Variants in CFAP210 observed in about 807,000 individuals in gnomAD.
CFAP210 encodes the protein cilia- and flagella- associated protein 210.
chr2:169,646,461 C>CT, the CFAP210 span, among the ~76,000 whole-genome samples: 32 of 152,238 alleles, frequency 2.1e-4, no homozygotes, highest in East Asian at 6.2e-3. Context: ...ACTCAGGTAA[C>CT]TGAGTTTAGA....
At chr2:169,656,132 C>G in the CFAP210 span, among the ~76,000 whole-genome samples, 1 of 152,064 alleles carries the variant, frequency 6.6e-6, no homozygotes, top group Admixed American at 6.6e-5. Flanking sequence ...ACAAAAAAGA[C>G]CACAAAAATT....
At chr2:169,662,439 A>G in the CFAP210 span, 11 of 1,570,806 alleles carry the variant, frequency 7.0e-6, no homozygotes, top group Non-Finnish European at 9.4e-6. Context: ...CCTTTATTCT[A>G]AAGCAAAAAC....
chr2:169,675,049 A>C, the CFAP210 span: 1 of 1,460,128 alleles, frequency 6.8e-7, no homozygotes, highest in Non-Finnish European at 9.0e-7. Context: ...CCCTGTAAAA[A>C]GACAAACACA....
At chr2:169,667,379 TC>T in the CFAP210 span, among the ~76,000 whole-genome samples, 1 of 152,086 alleles carries the variant, frequency 6.6e-6, no homozygotes, top group Non-Finnish European at 1.5e-5. Context: ...CCTCAGGTGA[TC>T]CAACCACCTC....
the CFAP210 span, among the ~76,000 whole-genome samples, chr2:169,673,456 C>A: frequency 1.3e-5 from 2 of 152,198 alleles, no homozygotes; most frequent in African/African-American, 4.8e-5. Context: ...CAAAGAAAAA[C>A]ATTACAATAA....
chr2:169,659,236 C>G, the CFAP210 span: 2 of 152,214 alleles, frequency 1.3e-5, no homozygotes, highest in East Asian at 1.9e-4. Context: ...TTGGCAAATG[C>G]TCCCACTGAA....
At chr2:169,674,558 T>C in the CFAP210 span, 2 of 1,533,698 alleles carry the variant, frequency 1.3e-6, no homozygotes, top group Non-Finnish European at 1.7e-6. Context: ...TACAAAAAGG[T>C]ATTTTATGTA....
At chr2:169,658,537 TAATTTGGGTATAGAG>T in the CFAP210 span, 3 of 156,500 alleles carry the variant, frequency 1.9e-5, no homozygotes, top group Non-Finnish European at 4.3e-5. Context: ...ATAACTTTAC[TAATTTGGGTATAGAG>T]AAGAAGTCTT....
At chr2:169,680,717 G>C in the CFAP210 span, among the ~76,000 whole-genome samples, 1 of 152,136 alleles carries the variant, frequency 6.6e-6, no homozygotes, top group Non-Finnish European at 1.5e-5. Context: ...AGAAATAAGA[G>C]GGAACAAAAC....
the CFAP210 span, among the ~76,000 whole-genome samples, chr2:169,692,476 A>G: frequency 1.4e-5 from 2 of 147,198 alleles, no homozygotes; most frequent in Admixed American, 1.3e-4. Flanking sequence ...ACACACACAC[A>G]CACACCACAC....
chr2:169,664,201 C>CA, the CFAP210 span, among the ~76,000 whole-genome samples: 36 of 149,922 alleles, frequency 2.4e-4, no homozygotes, highest in Middle Eastern at 6.8e-3. Flanking sequence ...GTCTCAAAAA[C>CA]AAAAAAAAAG....
the CFAP210 span, among the ~76,000 whole-genome samples, chr2:169,662,924 C>A: frequency 6.6e-6 from 1 of 152,218 alleles, no homozygotes; most frequent in Non-Finnish European, 1.5e-5. Context: ...CTGATAATTT[C>A]TTCTGAATTG....
At chr2:169,681,188 A>G in the CFAP210 span, 1 of 1,613,810 alleles carries the variant, frequency 6.2e-7, no homozygotes, top group Non-Finnish European at 8.5e-7. Context: ...TTTGCTAGGT[A>G]GAAGAGGCAG....
chr2:169,646,233 C>T, the CFAP210 span: 2 of 1,322,246 alleles, frequency 1.5e-6, no homozygotes, highest in Non-Finnish European at 2.1e-6. Context: ...AGAACATGAA[C>T]TTTCTAAATA....
At chr2:169,692,482 C>T in the CFAP210 span, among the ~76,000 whole-genome samples, 1 of 136,420 alleles carries the variant, frequency 7.3e-6, no homozygotes, top group East Asian at 2.1e-4. Context: ...ACACACACAC[C>T]ACACAGAGAC....
chr2:169,693,988 G>A, the CFAP210 span, among the ~76,000 whole-genome samples: 2 of 149,226 alleles, frequency 1.3e-5, no homozygotes, highest in African/African-American at 5.0e-5. Flanking sequence ...GGCTGGGGGT[G>A]GGGGTCTCTG....
chr2:169,655,833 A>T, the CFAP210 span, among the ~76,000 whole-genome samples: 1 of 152,236 alleles, frequency 6.6e-6, no homozygotes, highest in African/African-American at 2.4e-5. Context: ...TAAAATTTTC[A>T]TAGCTAAAAT....
the CFAP210 span, chr2:169,694,337 A>G: frequency 1.2e-6 from 2 of 1,613,628 alleles, no homozygotes; most frequent in Non-Finnish European, 8.5e-7. Context: ...TGATGCTCCT[A>G]GATCTGGAAA....
chr2:169,651,373 A>C, the CFAP210 span, among the ~76,000 whole-genome samples: 1 of 151,956 alleles, frequency 6.6e-6, no homozygotes, highest in South Asian at 2.1e-4. Flanking sequence ...CCTGAGTGAC[A>C]GAGTGAGACT....
Sources: gnomAD v4.1 joint callset for allele counts (sites outside exome capture counted in the v4.1 genomes callset) on GRCh38, gnomAD v4.1.1 for gene constraint, MANE v1.5 for transcripts, NCBI Gene and HGNC (gene_info 2026-07-23, HGNC 2026-07-21) for gene names.